Variants in TMC3 observed in about 807,000 individuals in gnomAD.
TMC3 encodes the protein transmembrane channel-like protein 3.
In TMC3, 98 loss-of-function variants were observed where a neutral mutation model predicts 110.6. The ratio of observed to expected loss-of-function variants is 0.89; its 90% CI spans 0.75 to 1.05. The LOEUF (loss-of-function observed/expected upper bound fraction) is 1.05. Ranked by LOEUF, TMC3 falls within the 50% of genes least tolerant of loss-of-function variation. The pLI is 0.00. For synonymous variants in TMC3, 489 were observed against 513.1 expected (o/e 0.95, Z 0.63); for missense variants, 1,319 against 1,373.2 (o/e 0.96, Z 0.62).
intron 19 of TMC3, 100 bp from the exon 20 acceptor site, chr15:81,336,751 CT>C (rs1471940852): frequency 8.0e-7 from 1 of 1,249,928 alleles, no homozygotes; most frequent in African/African-American, 1.5e-5. Flanking sequence ...TGCCATAGTT[CT>C]TACCTTGGAC....
chr15:81,372,339 C>G (rs1049347499), intron 2 of TMC3, among the ~76,000 whole-genome samples: 5 of 146,600 alleles, frequency 3.4e-5, no homozygotes, highest in African/African-American at 1.2e-4. Flanking sequence ...TTCTCTGTAT[C>G]TGTCTCTCTG....
intron 3 of TMC3, among the ~76,000 whole-genome samples, chr15:81,362,581 T>C (rs975752400): frequency 1.3e-5 from 2 of 152,184 alleles, no homozygotes; most frequent in African/African-American, 4.8e-5. Flanking sequence ...GATGCCTGTA[T>C]TGAAGTGGAT....
At chr15:81,372,389 CACACACACACACACACACAG>C (rs1235988962) in intron 2 of TMC3, among the ~76,000 whole-genome samples, 182 bp downstream of exon 2, 4 of 145,370 alleles carry the variant, frequency 2.8e-5, no homozygotes, top group African/African-American at 1.1e-4. Flanking sequence ...CACACACACA[CACACACACACACACACACAG>C]AGGAACTGGC....
At chr15:81,336,572 CAA>C in intron 20 of TMC3, 35 bp downstream of exon 20, 1 of 1,609,582 alleles carries the variant, frequency 6.2e-7, no homozygotes, top group Non-Finnish European at 8.5e-7. Context: ...TGCCTCAAAA[CAA>C]AAAAACAACA....
Position 81,336,608 on chromosome 15 carries a change from C to A in TMC3, c.2203+1G>T. 7 of 1,613,798 alleles carry A rather than the reference C, an allele frequency of 4.3e-6. No homozygotes were observed. Among genetic ancestry groups the A allele is most frequent in the South Asian group, 1.1e-5 (1 of 91,068 alleles). Reference sequence around the variant, plus strand: ...CAACAAAAAGAAACGGAAATACTTACCTTCTACCATCTGGGCAACCTTTTT... The same window carrying A: ...CAACAAAAAGAAACGGAAATACTTAACTTCTACCATCTGGGCAACCTTTTT... On this transcript the variant is annotated splice_donor_variant, in intron 20 of 21. Coordinates refer to ENST00000359440, the MANE Select transcript of TMC3 (RefSeq NM_001080532.3). LOFTEE classifies it high-confidence loss of function.
chr15:81,357,177 T>C (rs2141715561), intron 7 of TMC3, among the ~76,000 whole-genome samples: 1 of 152,132 alleles, frequency 6.6e-6, no homozygotes, highest in East Asian at 1.9e-4. Context: ...ACATTGTATG[T>C]CTAGTAAAGG....
intron 16 of TMC3, among the ~76,000 whole-genome samples, chr15:81,340,840 C>G (rs544402255): frequency 2.6e-5 from 4 of 152,292 alleles, no homozygotes; most frequent in African/African-American, 4.8e-5. Flanking sequence ...ACATGCCCGT[C>G]AACAGGAGCC....
In TMC3 at chr15:81,343,272, ACCTACCAAATCATT is replaced by A. The variant is rs1567062754; in HGVS notation, c.1707_1715+5del. 1 of 1,593,434 alleles carries A rather than the reference ACCTACCAAATCATT, an allele frequency of 6.3e-7. No homozygotes were observed. The highest frequency in any genetic ancestry group is 1.3e-5 in the African/African-American group (1 of 74,554). On this transcript the variant is annotated splice_donor_variant and splice_donor_5th_base_variant and coding_sequence_variant and intron_variant, in exon 15 of 22. Coordinates refer to ENST00000359440, the MANE Select transcript of TMC3 (RefSeq NM_001080532.3). LOFTEE classifies it high-confidence loss of function. ...AGCAAAGGCAAGAAGAAACTTTGAT[ACCTACCAAATCATT>A]CCTTGGTTGTAGACTAAATGTAGCA...
rs1332417428 is a variant in TMC3 at position 81,332,737 on chromosome 15, C to T, written c.2985G>A (p.Ser995=). ...GGTGACCCTCAAAATCTTCATTCCA[C>T]GACTTGTAGTGCACCCTCCCCTGGT... ...PEHQGRVHYK[S]WNEDFEGHLE... The change falls in exon 22 of 22, where the codon TCG becomes TCA. Residue 995 remains serine, a synonymous_variant. Transcript: ENST00000359440. 1.2e-6 allele frequency: 2 copies of T among 1,613,598 alleles called. No individual in the cohort carries two copies. Among genetic ancestry groups the T allele is most frequent in the African/African-American group, 2.7e-5 (2 of 75,014 alleles).
At chr15:81,351,345 T>G (rs1270124025) in intron 10 of TMC3, among the ~76,000 whole-genome samples, 1 of 126,072 alleles carries the variant, frequency 7.9e-6, no homozygotes, top group African/African-American at 3.6e-5. Flanking sequence ...TCTCTCTCTC[T>G]CTCTTTTTTT....
intron 2 of TMC3, among the ~76,000 whole-genome samples, chr15:81,368,745 G>A (rs1894371724): frequency 6.6e-6 from 1 of 152,130 alleles, no homozygotes; most frequent in African/African-American, 2.4e-5. Flanking sequence ...TGGCTTCAGA[G>A]AATCTGCCTC....
chr15:81,361,008 C>G (rs28733780), intron 4 of TMC3, among the ~76,000 whole-genome samples: 22,528 of 149,314 alleles, frequency 0.15, 2,168 homozygotes, highest in South Asian at 0.4. Flanking sequence ...AGCATATTAC[C>G]AAGGTATACA....
chr15:81,343,856 A>G lies in TMC3; in HGVS notation c.1647+61T>C, dbSNP rs1370761130. 5.1e-6 allele frequency: 8 copies of G among 1,577,774 alleles called. No individual in the cohort carries two copies. In the Admixed American group the frequency reaches 5.1e-5, roughly 10 times the overall value. ...TATGCTGGACTGTTTCCCAGCCACA[A>G]CATGAGAAAGGATGGATTTGGCCAT... On this transcript the variant is annotated intron_variant, in intron 14 of 21. Coordinates refer to ENST00000359440, the MANE Select transcript of TMC3 (RefSeq NM_001080532.3).
intron 2 of TMC3, 71 bp downstream of exon 2, chr15:81,372,520 C>T: frequency 6.3e-7 from 1 of 1,592,642 alleles, no homozygotes; most frequent in Non-Finnish European, 8.6e-7. Flanking sequence ...TCCTCGTTCC[C>T]ATGGGCAAGG....
intron 16 of TMC3, among the ~76,000 whole-genome samples, chr15:81,340,752 C>T (rs1016390591): frequency 7.9e-5 from 12 of 152,100 alleles, no homozygotes; most frequent in African/African-American, 2.9e-4. Flanking sequence ...AATTGCATTC[C>T]TAGGTATATA....
At position 81,356,433 on chromosome 15, in the gene TMC3, GCTCA is replaced by G. The variant is rs774231408; in HGVS notation, c.891+10_891+13del. 98 of 1,560,568 alleles carry G rather than the reference GCTCA, an allele frequency of 6.3e-5. No homozygotes were observed. The highest frequency in any genetic ancestry group is 8.1e-5 in the Non-Finnish European group (93 of 1,152,664). ...CTGCCCACCCCCGCAGGCTGCACAG[GCTCA>G]CTCACTCACCCTGATGCTGTTCACT... On this transcript the variant is annotated intron_variant, in intron 8 of 21. Transcript: ENST00000359440.
At position 81,339,417 on chromosome 15, in the gene TMC3, T is replaced by C. The variant is rs183241024; in HGVS notation, c.1932A>G (p.Pro644=). 14 of 1,611,192 alleles carry C rather than the reference T, an allele frequency of 8.7e-6. 1 individual carries two copies. The highest frequency in any genetic ancestry group is 3.3e-4 in the Middle Eastern group (2 of 6,058). The change falls in exon 17 of 22, where the codon CCA becomes CCG. Residue 644 remains proline, a synonymous_variant. Coordinates refer to ENST00000359440, the MANE Select transcript of TMC3 (RefSeq NM_001080532.3). ...ACCTGAATGGCCCACAGTTTAGAGA[T>C]GGCTTGTATCGGACAATAGCAAAAA... ...PTIFAIVRYK[P]SLNCGPFSGQ...
Position 81,332,256 on chromosome 15 carries a change from C to T in TMC3, c.*163G>A. On this transcript the variant is annotated 3_prime_UTR_variant, in exon 22 of 22. Coordinates refer to ENST00000359440, the MANE Select transcript of TMC3 (RefSeq NM_001080532.3). ...CTAACAGTAGCTGTAGAATAGGTAT[C>T]TGTAGCCCTGTCAGCCTCAGGGCCT... 9.5e-7 allele frequency: 1 copy of T among 1,051,558 alleles called. No homozygotes were observed. The highest frequency in any genetic ancestry group is 1.8e-5 in the South Asian group (1 of 56,824). The allele number at this position is 1,051,558 out of a possible 1,614,324, so 65.1% of individuals were successfully genotyped here. A position where few individuals can be genotyped will look rare whatever the true frequency, so the allele number is the denominator to read the frequency against.
chr15:81,333,138 G>A lies in TMC3; in HGVS notation c.2584C>T (p.Gln862Ter). ...GGTCCACGGTGAGGAGGGTTGATTT[G>A]CTGAAAGTCTTTTCGGAAAAGAGGT... ...SEPLFRKDFQQINPPHRGPQA... is the reference protein window; with the variant it reads ...SEPLFRKDFQ Residue 862 changes from glutamine (Q) to a stop codon, truncating the protein, a stop_gained, in exon 22 of 22, where the codon CAA becomes TAA. Transcript: ENST00000359440. LOFTEE classifies it low-confidence loss of function (END_TRUNC). 6.2e-7 allele frequency: 1 copy of A among 1,614,066 alleles called. No homozygotes were observed. Among genetic ancestry groups the A allele is most frequent in the Non-Finnish European group, 8.5e-7 (1 of 1,179,896 alleles).
Sources: allele counts gnomAD v4.1 joint callset (sites outside exome capture counted in the v4.1 genomes callset), GRCh38; gene constraint gnomAD v4.1.1; transcripts MANE v1.5; gene names NCBI Gene and HGNC (gene_info 2026-07-23, HGNC 2026-07-21).